The following CBR1 variants were observed in gnomAD, a reference collection of about 807,000 sequenced individuals.
CBR1 encodes carbonyl reductase 1.
A neutral mutation model predicts 10.6 loss-of-function variants in CBR1; 11 were observed. The ratio of observed to expected loss-of-function variants is 1.03; its 90% CI spans 0.65 to 1.71. The LOEUF (loss-of-function observed/expected upper bound fraction) is 1.71. Ranked by LOEUF, CBR1 falls within the 40% of genes most tolerant of loss-of-function variation. The pLI is 0.00. For synonymous variants in CBR1, 158 were observed against 156.7 expected (o/e 1.01, Z -0.06); for missense variants, 361 against 368.6 (o/e 0.98, Z 0.17).
chr21:36,072,363 C>G, intron 2 of CBR1, 83 bp from the exon 3 acceptor site: 3 of 1,611,724 alleles, frequency 1.9e-6, no homozygotes, highest in Non-Finnish European at 2.5e-6. Context: ...ATTTTCTGCT[C>G]CAAAATCCCT....
intron 2 of CBR1, chr21:36,072,118 A>C: frequency 1.3e-6 from 2 of 1,521,430 alleles, no homozygotes; most frequent in Non-Finnish European, 1.8e-6. Context: ...GGGTACTTGC[A>C]TGTACAGCTT....
rs2123834989 is a variant in CBR1, at chr21:36,070,408, T to G, written c.289+4T>G. The G allele has an allele frequency of 6.3e-7, 1 of 1,590,146 alleles. No homozygotes were observed. Among genetic ancestry groups the G allele is most frequent in the Non-Finnish European group, 8.6e-7 (1 of 1,166,808 alleles). ...AACGCGGGCATCGCCTTCAAGGGTA[T>G]GGGGAGGGGACGTGGCCTCCCCGAA... On this transcript the variant is annotated splice_donor_region_variant and intron_variant, in intron 1 of 2. Transcript: ENST00000290349.
At chr21:36,071,749 C>T (rs1205205571) in intron 2 of CBR1, 1 of 1,146,402 alleles carries the variant, frequency 8.7e-7, no homozygotes, top group African/African-American at 1.5e-5. Context: ...ACCTGTCCCT[C>T]TGGACAATTG....
chr21:36,072,804 G>A lies in CBR1; in HGVS notation c.756G>A (p.Val252=), dbSNP rs533241717. ...CAGAAGAAGGTGCAGAGACCCCTGTGTACTTGGCCCTTTTGCCCCCAGATG... is the reference window on the plus strand; with the variant it reads ...CAGAAGAAGGTGCAGAGACCCCTGTATACTTGGCCCTTTTGCCCCCAGATG... ...KSPEEGAETP[V]YLALLPPDAE... Residue 252 remains valine (V), a synonymous_variant, in exon 3 of 3, where the codon GTG becomes GTA. Transcript: ENST00000290349. 26 of 1,614,108 alleles carry A rather than the reference G, an allele frequency of 1.6e-5. No individual in the cohort carries two copies. In the Admixed American group the frequency reaches 2.2e-4, roughly 13 times the overall value.
At position 36,070,290 on chromosome 21, in the gene CBR1, T is replaced by G. The variant is rs1419813148; in HGVS notation, c.175T>G (p.Phe59Val). The change falls in exon 1 of 3, where the codon TTC becomes GTC. Residue 59 changes from phenylalanine (F) to valine (V), a missense_variant. Coordinates refer to ENST00000290349, the MANE Select transcript of CBR1 (RefSeq NM_001757.4). ...GCAGGCGGAGGGCCTGAGCCCGCGC[T>G]TCCACCAGCTGGACATCGACGATCT... is the stretch of plus-strand genomic sequence containing the variant. ...QLQAEGLSPRFHQLDIDDLQS... is the reference protein window; with the variant it reads ...QLQAEGLSPRVHQLDIDDLQS... 1 of 1,612,884 alleles carries G rather than the reference T, an allele frequency of 6.2e-7. No individual in the cohort carries two copies. The highest frequency in any genetic ancestry group is 2.2e-5 in the East Asian group (1 of 44,850).
Position 36,070,892 on chromosome 21 carries a change from A to G in CBR1, c.290-58A>G, listed in dbSNP as rs553204640. The G allele has an allele frequency of 1.6e-4, 137 of 860,616 alleles. 1 individual carries two copies. In the East Asian group the frequency reaches 4.6e-3, roughly 29 times the overall value. The allele number at this position is 860,616 out of a possible 1,614,324, so 53.3% of individuals were successfully genotyped here. Reference sequence around the variant, plus strand: ...TTTTTTTTTTTTTTAGTATCATTGTATAGAATTTTACCCCATGGGTACAAT... The same window carrying G: ...TTTTTTTTTTTTTTAGTATCATTGTGTAGAATTTTACCCCATGGGTACAAT... On this transcript the variant is annotated intron_variant, in intron 1 of 2. Transcript: ENST00000290349.
At chr21:36,071,573 C>G in intron 2 of CBR1, 1 of 574,418 alleles carries the variant, frequency 1.7e-6, no homozygotes, top group Non-Finnish European at 3.1e-6. Context: ...CCAGAGGATC[C>G]CTATCCTTTT....
rs1318074693 is a variant in CBR1 at position 36,070,329 on chromosome 21, GCC to G, written c.216_217del (p.Leu73AlafsTer26). On this transcript the variant is annotated frameshift_variant, in exon 1 of 3. Coordinates refer to ENST00000290349, the MANE Select transcript of CBR1 (RefSeq NM_001757.4). LOFTEE classifies it high-confidence loss of function. ...LDIDDLQSIR[A>X]LRDFLRKEYG... Reference sequence around the variant, plus strand: ...CATCGACGATCTGCAGAGCATCCGCGCCCTGCGCGACTTCCTGCGCAAGGAGT... The same window carrying G: ...CATCGACGATCTGCAGAGCATCCGCGCTGCGCGACTTCCTGCGCAAGGAGT... 10 of 1,613,356 alleles carry G rather than the reference GCC, an allele frequency of 6.2e-6. No individual in the cohort carries two copies.
Position 36,072,868 on chromosome 21 carries a change from G to A in CBR1, c.820G>A (p.Val274Ile), listed in dbSNP as rs770896302. The A allele has an allele frequency of 3.1e-6, 5 of 1,612,798 alleles. No individual in the cohort carries two copies. Among genetic ancestry groups the A allele is most frequent in the African/African-American group, 2.7e-5 (2 of 75,000 alleles). The change falls in exon 3 of 3, where the codon GTT becomes ATT. Residue 274 changes from valine (V) to isoleucine (I), a missense_variant. Val to Ile is a conservative substitution (Grantham distance 29). Transcript: ENST00000290349. Reference sequence around the variant, plus strand: ...TGGACAATTTGTTTCAGAGAAGAGAGTTGAACAGTGGTGAGCTGGGCTCAC... The same window carrying A: ...TGGACAATTTGTTTCAGAGAAGAGAATTGAACAGTGGTGAGCTGGGCTCAC... ...PHGQFVSEKR[V>I]EQW
chr21:36,071,161 G>A (rs2065349541), intron 2 of CBR1, 104 bp downstream of exon 2: 2 of 807,980 alleles, frequency 2.5e-6, no homozygotes, highest in Non-Finnish European at 2.2e-6. Flanking sequence ...CATGCTGCAC[G>A]TGCACTGACC....
intron 2 of CBR1, chr21:36,071,662 C>A (rs758808546): frequency 5.6e-5 from 34 of 605,968 alleles, no homozygotes; most frequent in Non-Finnish European, 8.2e-5. Context: ...CCCTCATAAT[C>A]ATTTACTAGG....
chr21:36,072,471 C>A lies in CBR1; in HGVS notation c.423C>A (p.Ile141=). ...GGAGAGTGGTGAACGTATCTAGCAT[C>A]ATGAGCGTCAGAGCCCTTAAAAGCT... ...PQGRVVNVSS[I]MSVRALKSCS... The change falls in exon 3 of 3, where the codon ATC becomes ATA. Residue 141 remains isoleucine (I), a synonymous_variant. Transcript: ENST00000290349. The A allele has an allele frequency of 6.2e-7, 1 of 1,614,108 alleles. No individual in the cohort carries two copies. Among genetic ancestry groups the A allele is most frequent in the Non-Finnish European group, 8.5e-7 (1 of 1,180,008 alleles).
intron 2 of CBR1, chr21:36,072,137 C>A: frequency 1.3e-6 from 2 of 1,535,706 alleles, no homozygotes; most frequent in Non-Finnish European, 1.8e-6. Context: ...TTACTCTCAG[C>A]TTTTATCCTG....
At position 36,070,321 on chromosome 21, in the gene CBR1, G is replaced by A. The variant is rs543800905; in HGVS notation, c.206G>A (p.Ser69Asn). ...FHQLDIDDLQSIRALRDFLRK... is the reference protein window; with the variant it reads ...FHQLDIDDLQNIRALRDFLRK... Reference sequence around the variant, plus strand: ...CAGCTGGACATCGACGATCTGCAGAGCATCCGCGCCCTGCGCGACTTCCTG... The same window carrying A: ...CAGCTGGACATCGACGATCTGCAGAACATCCGCGCCCTGCGCGACTTCCTG... The change falls in exon 1 of 3, where the codon AGC (serine) becomes AAC (asparagine). Residue 69 changes from serine (S) to asparagine (N), a missense_variant. Transcript: ENST00000290349. The A allele has an allele frequency of 3.0e-4, 485 of 1,613,330 alleles. 6 individuals carry two copies. The South Asian group carries it at 5.1e-3, about 17-fold the overall frequency.
intron 2 of CBR1, chr21:36,072,207 C>T: frequency 6.4e-7 from 1 of 1,550,570 alleles, no homozygotes. Flanking sequence ...TTCACCAGGA[C>T]CTCAAAGGGC....
In CBR1 at chr21:36,070,329, G is replaced by C. The variant is rs775778302; in HGVS notation, c.214G>C (p.Ala72Pro). Residue 72 changes from alanine (A) to proline (P), a missense_variant, in exon 1 of 3, where the codon GCC (alanine) becomes CCC (proline). Transcript: ENST00000290349. ...CATCGACGATCTGCAGAGCATCCGC[G>C]CCCTGCGCGACTTCCTGCGCAAGGA... ...LDIDDLQSIR[A>P]LRDFLRKEYG... is the part of the protein sequence containing the mutation. The C allele has an allele frequency of 1.2e-6, 2 of 1,613,356 alleles. No individual in the cohort carries two copies. Among genetic ancestry groups the C allele is most frequent in the Middle Eastern group, 1.7e-4 (1 of 6,060 alleles).
rs751985377 is a variant in CBR1 at position 36,070,088 on chromosome 21, G to A, written c.-28G>A. 1.1e-5 allele frequency: 16 copies of A among 1,474,542 alleles called. No homozygotes were observed. Among genetic ancestry groups the A allele is most frequent in the Middle Eastern group, 1.9e-4 (1 of 5,226 alleles). The allele number at this position is 1,474,542 out of a possible 1,614,324, so 91.3% of individuals were successfully genotyped here. ...GGCCTGAGCCAGGTCTGTTCTCCAC[G>A]CAGGTGTTCCGCGCGCCCCGTTCAG... is the stretch of plus-strand genomic sequence containing the variant. On this transcript the variant is annotated 5_prime_UTR_variant, in exon 1 of 3. Transcript: ENST00000290349.
chr21:36,070,330 CCCTGCGCGA>C lies in CBR1; in HGVS notation c.217_225del (p.Leu73_Asp75del). ...ATCGACGATCTGCAGAGCATCCGCG[CCCTGCGCGA>C]CTTCCTGCGCAAGGAGTACGGGGGC... On this transcript the variant is annotated inframe_deletion, in exon 1 of 3. Coordinates refer to ENST00000290349, the MANE Select transcript of CBR1 (RefSeq NM_001757.4). 3.1e-6 allele frequency: 5 copies of C among 1,613,316 alleles called. No individual in the cohort carries two copies. The highest frequency in any genetic ancestry group is 4.2e-6 in the Non-Finnish European group (5 of 1,179,962).
At chr21:36,072,231 C>A in intron 2 of CBR1, 1 of 1,550,670 alleles carries the variant, frequency 6.4e-7, no homozygotes, top group Non-Finnish European at 8.7e-7. Context: ...TCTTCCAAAT[C>A]TCACCTGACT....
Sources: allele counts gnomAD v4.1 joint callset, GRCh38; gene constraint gnomAD v4.1.1; transcripts MANE v1.5; gene names NCBI Gene and HGNC (gene_info 2026-07-23, HGNC 2026-07-21).